The following MEIS2 variants were observed in gnomAD, a reference collection of about 807,000 sequenced individuals.
The protein encoded by MEIS2 is homeobox protein Meis2.
Under a neutral mutation model 58.6 loss-of-function variants are expected in MEIS2, and 9 were observed. The observed-to-expected ratio is 0.15, with a 90% CI of 0.09 to 0.27. The LOEUF is 0.27. Ranked by LOEUF, MEIS2 falls within the 10% of genes least tolerant of loss-of-function variation. The probability of loss-of-function intolerance (pLI) is 1.00; values close to 1 mark genes in which losing one functional copy is unlikely to be tolerated. For synonymous variants in MEIS2, 221 were observed against 228.4 expected, an observed-to-expected ratio of 0.97 and a Z score of 0.29; for missense variants, 427 against 635.0, an observed-to-expected ratio of 0.67 and a Z score of 3.52.
At chr15:37,073,046 T>C (rs1721997633) in intron 7 of MEIS2, among the ~76,000 whole-genome samples, 2 of 152,104 alleles carry the variant, frequency 1.3e-5, no homozygotes, top group Admixed American at 6.6e-5. Flanking sequence ...GTTTGCTTCA[T>C]ACCCTAGAAC....
intron 8 of MEIS2, among the ~76,000 whole-genome samples, chr15:36,955,010 G>T (rs2058907016): frequency 6.6e-6 from 1 of 152,142 alleles, no homozygotes; most frequent in South Asian, 2.1e-4. Context: ...ATCATTTATT[G>T]ATCTAGGACT....
At chr15:36,928,007 G>T (rs1356373746) in intron 9 of MEIS2, among the ~76,000 whole-genome samples, 1 of 152,098 alleles carries the variant, frequency 6.6e-6, no homozygotes, top group African/African-American at 2.4e-5. Context: ...TGACCATTTT[G>T]CTGTGACATA....
In MEIS2 at chr15:37,053,779, T is replaced by G. The variant is rs77897697; in HGVS notation, c.755-16820A>C. Reference sequence around the variant, plus strand: ...GTTTTTCTATATATATGATGGGAAATGAAGTTGATATCCTCTATACATCAA... The same window carrying G: ...GTTTTTCTATATATATGATGGGAAAGGAAGTTGATATCCTCTATACATCAA... On this transcript the variant is annotated intron_variant, in intron 7 of 11. Coordinates refer to ENST00000561208, the MANE Select transcript of MEIS2 (RefSeq NM_170675.5). Among the ~76,000 whole-genome samples, 947 of 152,342 alleles carry G rather than the reference T, an allele frequency of 6.2e-3. 7 individuals carry two copies. The highest frequency in any genetic ancestry group is 9.8e-3 in the Non-Finnish European group (665 of 68,040).
At chr15:37,077,136 T>C (rs1891524311) in intron 7 of MEIS2, among the ~76,000 whole-genome samples, 1 of 152,098 alleles carries the variant, frequency 6.6e-6, no homozygotes, top group South Asian at 2.1e-4. Flanking sequence ...TGACACGAGA[T>C]GTACTAACTC....
intron 8 of MEIS2, among the ~76,000 whole-genome samples, chr15:37,019,687 G>T (rs1310239983): frequency 6.6e-6 from 1 of 152,164 alleles, no homozygotes; most frequent in African/African-American, 2.4e-5. Flanking sequence ...TGGGGAGGAA[G>T]AGAGCTGCAC....
At chr15:37,083,554 G>A (rs1477295561) in intron 7 of MEIS2, among the ~76,000 whole-genome samples, 1 of 152,152 alleles carries the variant, frequency 6.6e-6, no homozygotes, top group East Asian at 1.9e-4. Context: ...AATTGTTATT[G>A]TAATGCCTAC....
At chr15:36,894,701 A>C (rs1374010700) in intron 11 of MEIS2, 518 of 1,565,718 alleles carry the variant, frequency 3.3e-4, no homozygotes, top group Non-Finnish European at 4.2e-4. Flanking sequence ...GACAGATCGC[A>C]CCCGACTGTA....
chr15:36,989,248 G>A (rs975568140), intron 8 of MEIS2, among the ~76,000 whole-genome samples: 3 of 152,198 alleles, frequency 2.0e-5, no homozygotes, highest in African/African-American at 7.2e-5. Flanking sequence ...CAATTTGGAG[G>A]AAGAACCAAA....
At chr15:36,918,939 G>A (rs62002398) in intron 9 of MEIS2, among the ~76,000 whole-genome samples, 9,145 of 152,262 alleles carry the variant, frequency 0.06, 491 homozygotes, top group East Asian at 0.25. Context: ...AAATGGAGAT[G>A]ATACCTACCT....
chr15:37,003,668 A>G (rs1050739455), intron 8 of MEIS2, among the ~76,000 whole-genome samples: 4 of 152,192 alleles, frequency 2.6e-5, no homozygotes. Context: ...CCCATGATAC[A>G]GTGTGCTATA....
chr15:37,083,960 C>T (rs905194399), intron 6 of MEIS2, 75 bp from the exon 7 acceptor site: 6 of 1,256,998 alleles, frequency 4.8e-6, no homozygotes, highest in Admixed American at 3.7e-5. Flanking sequence ...AGGAACGGCA[C>T]AGAAAGAGAC....
At chr15:36,982,146 A>G (rs192313320) in intron 8 of MEIS2, among the ~76,000 whole-genome samples, 1 of 152,190 alleles carries the variant, frequency 6.6e-6, no homozygotes, top group East Asian at 1.9e-4. Flanking sequence ...CCTCCTATAT[A>G]TATATCTCTC....
At chr15:37,067,974 C>T (rs1160068016) in intron 7 of MEIS2, among the ~76,000 whole-genome samples, 1 of 152,088 alleles carries the variant, frequency 6.6e-6, no homozygotes, top group Non-Finnish European at 1.5e-5. Flanking sequence ...TATTATTATT[C>T]ACATTTATGG....
intron 7 of MEIS2, among the ~76,000 whole-genome samples, chr15:37,043,816 T>C (rs2062547333): frequency 6.6e-6 from 1 of 151,336 alleles, no homozygotes; most frequent in Non-Finnish European, 1.5e-5. Flanking sequence ...GCCTCCCGAG[T>C]AGCTAGGATT....
chr15:37,090,777 A>C (rs1281112755), intron 6 of MEIS2, among the ~76,000 whole-genome samples: 1 of 152,180 alleles, frequency 6.6e-6, no homozygotes, highest in Non-Finnish European at 1.5e-5. Flanking sequence ...TCACCTCCAC[A>C]AGAGAAACCT....
intron 9 of MEIS2, among the ~76,000 whole-genome samples, chr15:36,916,430 TA>T (rs58199968): frequency 0.088 from 10,687 of 121,492 alleles, 567 homozygotes; most frequent in East Asian, 0.27. Context: ...CCATCTCAAT[TA>T]AAAAAAAAAA....
chr15:37,098,253 AG>A lies in MEIS2; in HGVS notation c.13-55del, dbSNP rs570132118. The A allele has an allele frequency of 2.7e-4, 397 of 1,451,868 alleles. 1 individual carries two copies. The African/African-American group carries it at 4.5e-3, about 17-fold the overall frequency. The allele number at this position is 1,451,868 out of a possible 1,614,324, so 89.9% of individuals were successfully genotyped here. A position where few individuals can be genotyped will look rare whatever the true frequency, so the allele number is the denominator to read the frequency against. On this transcript the variant is annotated intron_variant, in intron 1 of 11. Transcript: ENST00000561208. The stretch of plus-strand genomic sequence containing the variant: ...CGCAGGAGGTGAGGGAGAACAGAGG[AG>A]GGGGGTGGAAAGGGAAAAAGAGCAG...
chr15:36,907,399 C>T (rs184960433), intron 9 of MEIS2, among the ~76,000 whole-genome samples: 9 of 152,300 alleles, frequency 5.9e-5, no homozygotes, highest in Non-Finnish European at 8.8e-5. Context: ...CCCAACACAC[C>T]GGCAATCTAA....
rs1439759379 is a variant in MEIS2 at position 36,891,092 on chromosome 15, C to T, written c.*1081G>A. 6 of 151,476 alleles carry T rather than the reference C, an allele frequency of 4.0e-5. No individual in the cohort carries two copies. The highest frequency in any genetic ancestry group is 5.9e-5 in the Non-Finnish European group (4 of 67,844). The allele number at this position is 151,476 out of a possible 1,614,324, so 9.4% of individuals were successfully genotyped here. A position where few individuals can be genotyped will look rare whatever the true frequency, so the allele number is the denominator to read the frequency against. On this transcript the variant is annotated 3_prime_UTR_variant, in exon 12 of 12. Transcript: ENST00000561208. ...TAACACCTTTTTTTTTTTAACATAA[C>T]GTCACAGTCCTCATACAAGTATTTT...
Sources: gnomAD v4.1 joint callset for allele counts (sites outside exome capture counted in the v4.1 genomes callset) on GRCh38, gnomAD v4.1.1 for gene constraint, MANE v1.5 for transcripts, NCBI Gene and HGNC (gene_info 2026-07-23, HGNC 2026-07-21) for gene names.